PCDH15: variants seen among roughly 807,000 people sequenced by gnomAD.
PCDH15 encodes protocadherin-15.
Under a neutral mutation model 178.5 loss-of-function variants are expected in PCDH15, and 129 were observed. That is an observed-to-expected ratio of 0.72 (90% CI 0.63 to 0.84). PCDH15 has a LOEUF of 0.84. PCDH15 is among the 40% of genes least tolerant of loss of function. PCDH15 has a pLI of 0.00. For synonymous variants in PCDH15, 800 were observed against 732.0 expected (o/e 1.09, Z -1.50); for missense variants, 2,230 against 2,099.9 (o/e 1.06, Z -1.21).
intron 1 of PCDH15, among the ~76,000 whole-genome samples, chr10:55,290,185 T>C (rs1179693288): frequency 1.3e-5 from 2 of 151,952 alleles, no homozygotes; most frequent in Non-Finnish European, 2.9e-5. Flanking sequence ...CCGTACATGT[T>C]TGTGTGAATT....
chr10:55,123,265 T>C (rs1405825560), intron 2 of PCDH15, among the ~76,000 whole-genome samples: 1 of 152,066 alleles, frequency 6.6e-6, no homozygotes, highest in Non-Finnish European at 1.5e-5. Context: ...GAGTACAAAC[T>C]AATAAAATAA....
chr10:54,262,486 G>A (rs1189320206), intron 8 of PCDH15, among the ~76,000 whole-genome samples: 1 of 152,108 alleles, frequency 6.6e-6, no homozygotes, highest in Non-Finnish European at 1.5e-5. Context: ...CAGCCTGGGA[G>A]AAGTTCACCA....
chr10:55,377,339 G>A (rs1193676341), intron 2 of PCDH15, among the ~76,000 whole-genome samples: 1 of 151,810 alleles, frequency 6.6e-6, no homozygotes, highest in Non-Finnish European at 1.5e-5. Context: ...TTGGGGTAGA[G>A]TAAAAGAGAA....
intron 18 of PCDH15, among the ~76,000 whole-genome samples, chr10:54,055,325 T>C (rs989124532): frequency 7.2e-5 from 11 of 152,018 alleles, no homozygotes; most frequent in African/African-American, 2.4e-4. Context: ...TATGGTTCTA[T>C]TTTTGTTACC....
At chr10:53,821,540 C>T in intron 32 of PCDH15, 12 of 1,079,502 alleles carry the variant, frequency 1.1e-5, no homozygotes, top group Non-Finnish European at 1.4e-5. Flanking sequence ...GATAGACATG[C>T]CTTTGGTTTA....
intron 2 of PCDH15, among the ~76,000 whole-genome samples, chr10:54,537,150 T>C (rs931209560): frequency 2.6e-5 from 4 of 151,840 alleles, no homozygotes; most frequent in African/African-American, 9.7e-5. Context: ...AGGCGCCCGC[T>C]ACCATGCCCA....
intron 2 of PCDH15, among the ~76,000 whole-genome samples, chr10:55,498,557 A>G (rs1218579424): frequency 6.6e-6 from 1 of 151,914 alleles, no homozygotes; most frequent in Admixed American, 6.6e-5. Context: ...CTGATTACAC[A>G]TAACCTCATT....
chr10:54,432,519 T>C (rs1237223682), intron 3 of PCDH15, among the ~76,000 whole-genome samples: 4 of 152,118 alleles, frequency 2.6e-5, no homozygotes, highest in Non-Finnish European at 5.9e-5. Flanking sequence ...GAAAACTGGA[T>C]ATCCATATGC....
chr10:54,441,400 G>A (rs1340762826), intron 3 of PCDH15, among the ~76,000 whole-genome samples: 2 of 151,876 alleles, frequency 1.3e-5, no homozygotes, highest in South Asian at 2.1e-4. Context: ...TATCTACAAT[G>A]AGAATGTCCA....
At chr10:54,179,764 T>C (rs1019336122) in intron 13 of PCDH15, among the ~76,000 whole-genome samples, 3 of 152,180 alleles carry the variant, frequency 2.0e-5, no homozygotes, top group African/African-American at 7.2e-5. Context: ...AATGAAGTGC[T>C]GGCATCAATA....
At chr10:54,944,471 G>C (rs751811272) in intron 2 of PCDH15, among the ~76,000 whole-genome samples, 1 of 151,894 alleles carries the variant, frequency 6.6e-6, no homozygotes, top group East Asian at 1.9e-4. Flanking sequence ...ATCAACTAAA[G>C]GGCAGTCAGA....
chr10:55,179,488 CGAT>C (rs1003188075), intron 1 of PCDH15, among the ~76,000 whole-genome samples: 6 of 151,940 alleles, frequency 3.9e-5, no homozygotes, highest in Non-Finnish European at 5.9e-5. Context: ...TGTTCCTTCT[CGAT>C]GATACCTTTT....
intron 2 of PCDH15, among the ~76,000 whole-genome samples, chr10:55,032,380 T>A (rs1216573548): frequency 6.6e-6 from 1 of 152,152 alleles, no homozygotes; most frequent in Non-Finnish European, 1.5e-5. Context: ...TACCAGGGAT[T>A]TGTTAACTGA....
rs1311918794 is a variant in PCDH15 at position 53,851,690 on chromosome 10, A to C, written c.3806+5485T>G. Among the ~76,000 whole-genome samples, 250 of 28,058 alleles carry C rather than the reference A, an allele frequency of 8.9e-3. 1 individual carries two copies. Among genetic ancestry groups the C allele is most frequent in the Non-Finnish European group, 0.012 (194 of 16,410 alleles). 18.4% of individuals were successfully genotyped at this position (28,058 alleles called of 152,430 possible). A position where few individuals can be genotyped will look rare whatever the true frequency, so the allele number is the denominator to read the frequency against. On this transcript the variant is annotated intron_variant, in intron 28 of 37. Transcript: ENST00000644397. ...CCTAGAAATATATATATATATATAT[A>C]TATATATATATATATATATATATAT...
intron 20 of PCDH15, among the ~76,000 whole-genome samples, chr10:54,012,344 A>C (rs1387123898): frequency 6.6e-6 from 1 of 152,170 alleles, no homozygotes; most frequent in Non-Finnish European, 1.5e-5. Flanking sequence ...AAATGGGGAA[A>C]AAGCAGGCAA....
intron 2 of PCDH15, among the ~76,000 whole-genome samples, chr10:54,584,905 G>A (rs778227303): frequency 2.6e-5 from 4 of 152,076 alleles, no homozygotes; most frequent in Middle Eastern, 3.4e-3. Flanking sequence ...AACAAAACAA[G>A]GAAGAAAAAG....
chr10:54,523,871 T>C (rs1049578807), intron 3 of PCDH15, among the ~76,000 whole-genome samples: 2 of 152,090 alleles, frequency 1.3e-5, no homozygotes, highest in Non-Finnish European at 2.9e-5. Flanking sequence ...AGAAATGAAA[T>C]AACTGTTTAC....
At chr10:54,479,514 T>G (rs2078545596) in intron 3 of PCDH15, among the ~76,000 whole-genome samples, 1 of 152,032 alleles carries the variant, frequency 6.6e-6, no homozygotes. Flanking sequence ...AATCCAAAAT[T>G]AATTATCTCA....
Position 53,822,833 on chromosome 10 carries a change from T to C in PCDH15, c.4368-2603A>G, listed in dbSNP as rs776916605. 1 of 1,613,978 alleles carries C rather than the reference T, an allele frequency of 6.2e-7. No individual in the cohort carries two copies. Among genetic ancestry groups the C allele is most frequent in the East Asian group, 2.2e-5 (1 of 44,886 alleles). On this transcript the variant is annotated intron_variant, in intron 32 of 37. Transcript: ENST00000644397. ...TTATTTCCTCTTTCTCTGTCAAATT[T>C]GCCTCTTCAGTTGTAAGCAATGGAT...
Sources: gnomAD v4.1 joint callset for allele counts (sites outside exome capture counted in the v4.1 genomes callset) on GRCh38, gnomAD v4.1.1 for gene constraint, MANE v1.5 for transcripts, NCBI Gene and HGNC (gene_info 2026-07-23, HGNC 2026-07-21) for gene names.